Variants in FOXP1 observed in about 807,000 individuals in gnomAD.
FOXP1 encodes the protein forkhead box protein P1.
A neutral mutation model predicts 98.2 loss-of-function variants in FOXP1; 15 were observed. The observed-to-expected ratio is 0.15, with a 90% CI of 0.10 to 0.24. FOXP1 has a LOEUF of 0.24. FOXP1 is among the 10% of genes least tolerant of loss of function. The pLI is 1.00. For missense variants in FOXP1, 633 were observed against 848.5 expected (o/e 0.75, Z 3.15); for synonymous variants, 371 against 314.5 (o/e 1.18, Z -1.90).
At chr3:71,081,260 G>C (rs2054381847) in intron 7 of FOXP1, among the ~76,000 whole-genome samples, 1 of 152,104 alleles carries the variant, frequency 6.6e-6, no homozygotes, top group Non-Finnish European at 1.5e-5. Context: ...TATCTCCCCA[G>C]TTCTTTCCAG....
chr3:71,340,325 A>T (rs1309309069), intron 4 of FOXP1, among the ~76,000 whole-genome samples: 2 of 152,240 alleles, frequency 1.3e-5, no homozygotes, highest in Non-Finnish European at 1.5e-5. Flanking sequence ...TTGTCCTAAT[A>T]CATTGAGTGT....
intron 3 of FOXP1, among the ~76,000 whole-genome samples, chr3:71,372,161 C>A (rs1339029167): frequency 2.0e-5 from 3 of 150,006 alleles, no homozygotes; most frequent in South Asian, 4.3e-4. Context: ...TACAAGCATG[C>A]ACCACCATTC....
chr3:71,557,968 C>T (rs2046258895), intron 2 of FOXP1, among the ~76,000 whole-genome samples: 1 of 152,188 alleles, frequency 6.6e-6, no homozygotes, highest in Non-Finnish European at 1.5e-5. Context: ...AGGCATGAGC[C>T]ACCACATCTG....
chr3:71,322,311 A>C (rs1444813266), intron 4 of FOXP1, among the ~76,000 whole-genome samples: 1 of 152,348 alleles, frequency 6.6e-6, no homozygotes, highest in Middle Eastern at 3.4e-3. Flanking sequence ...ATAACTAAAA[A>C]TTCAGTTCCT....
rs527643284 is a variant in FOXP1, at chr3:71,557,687, T to C, written c.-298+23862A>G. Among the ~76,000 whole-genome samples the C allele has an allele frequency of 4.2e-4, 64 of 152,342 alleles. 1 individual carries two copies. Among genetic ancestry groups the C allele is most frequent in the Middle Eastern group, 6.8e-3 (2 of 294 alleles). On this transcript the variant is annotated intron_variant, in intron 2 of 20. Transcript: ENST00000649528. ...GACTTTCTGCTCTTCAAGTACTTTA[T>C]TCAAACGATGAAAGGGAAGAATGAC...
chr3:71,497,901 G>A (rs1311148605), intron 2 of FOXP1, among the ~76,000 whole-genome samples: 2 of 152,152 alleles, frequency 1.3e-5, no homozygotes, highest in East Asian at 3.8e-4. Context: ...ATATTTTAGA[G>A]AAAAGCCGAG....
intron 3 of FOXP1, among the ~76,000 whole-genome samples, chr3:71,435,907 C>A (rs1306978143): frequency 4.5e-5 from 1 of 22,284 alleles, no homozygotes. Context: ...GAGGAAGGGA[C>A]GGAGGGAGGG....
At chr3:71,259,305 T>A (rs1487916467) in intron 5 of FOXP1, among the ~76,000 whole-genome samples, 1 of 152,246 alleles carries the variant, frequency 6.6e-6, no homozygotes, top group East Asian at 1.9e-4. Context: ...CCTCTCTGTG[T>A]CTTAGTTTTA....
At chr3:71,038,890 T>A (rs2106822152) in intron 11 of FOXP1, among the ~76,000 whole-genome samples, 1 of 152,268 alleles carries the variant, frequency 6.6e-6, no homozygotes, top group East Asian at 1.9e-4. Flanking sequence ...AGTCTTGAAC[T>A]CCTGGCCTCA....
At chr3:71,372,852 A>C (rs1256807733) in intron 3 of FOXP1, among the ~76,000 whole-genome samples, 1 of 152,190 alleles carries the variant, frequency 6.6e-6, no homozygotes, top group Non-Finnish European at 1.5e-5. Context: ...AGGCATCAGA[A>C]ATTGACTTGG....
intron 5 of FOXP1, among the ~76,000 whole-genome samples, chr3:71,283,763 G>T (rs1450873329): frequency 6.6e-6 from 1 of 152,048 alleles, no homozygotes; most frequent in East Asian, 1.9e-4. Flanking sequence ...TGTATCCTGG[G>T]ATGCCTAAAA....
intron 4 of FOXP1, chr3:71,302,941 A>C (rs2073971734): frequency 6.6e-6 from 1 of 151,892 alleles, no homozygotes; most frequent in African/African-American, 2.4e-5. Context: ...ATTCTAAAGA[A>C]CCCTCAGATT....
At chr3:71,256,661 C>T (rs933034277) in intron 5 of FOXP1, among the ~76,000 whole-genome samples, 1 of 152,100 alleles carries the variant, frequency 6.6e-6, no homozygotes, top group Non-Finnish European at 1.5e-5. Context: ...GGATTACAGG[C>T]GTGAGCCACC....
intron 2 of FOXP1, among the ~76,000 whole-genome samples, chr3:71,539,147 T>A (rs371435778): frequency 5.6e-4 from 37 of 65,526 alleles, no homozygotes; most frequent in African/African-American, 1.1e-3. Context: ...GGTCTCGCTC[T>A]GTCGCCCAGG....
intron 3 of FOXP1, among the ~76,000 whole-genome samples, chr3:71,403,492 G>A (rs868750012): frequency 1.3e-5 from 2 of 152,386 alleles, no homozygotes; most frequent in Admixed American, 1.3e-4. Flanking sequence ...GTGAGTGTGT[G>A]TGCGCGTGCA....
chr3:71,444,223 G>A (rs1379511524), intron 3 of FOXP1, among the ~76,000 whole-genome samples: 1 of 152,138 alleles, frequency 6.6e-6, no homozygotes, highest in African/African-American at 2.4e-5. Flanking sequence ...TGCTGCGCCT[G>A]AACACATCTG....
chr3:71,308,801 GTGT>G (rs1560283247), intron 4 of FOXP1, among the ~76,000 whole-genome samples: 8 of 140,274 alleles, frequency 5.7e-5, no homozygotes, highest in African/African-American at 1.6e-4. Flanking sequence ...GTGTGTGTGT[GTGT>G]GTGGGTGAGG....
intron 6 of FOXP1, among the ~76,000 whole-genome samples, chr3:71,147,482 G>A (rs986291944): frequency 4.6e-5 from 7 of 152,072 alleles, no homozygotes; most frequent in East Asian, 1.9e-4. Flanking sequence ...GCTGGAACCC[G>A]AAGATGTTAG....
chr3:71,266,348 T>C (rs776936883), intron 5 of FOXP1, among the ~76,000 whole-genome samples: 4 of 151,994 alleles, frequency 2.6e-5, no homozygotes, highest in Non-Finnish European at 4.4e-5. Context: ...CCCCCAGGTT[T>C]AAGCAATTCT....
Sources: allele counts gnomAD v4.1 joint callset (sites outside exome capture counted in the v4.1 genomes callset), GRCh38; gene constraint gnomAD v4.1.1; transcripts MANE v1.5; gene names NCBI Gene and HGNC (gene_info 2026-07-23, HGNC 2026-07-21).